The following TUSC3 variants were observed in gnomAD, a reference collection of about 807,000 sequenced individuals.
The protein encoded by TUSC3 is dolichyl-diphosphooligosaccharide--protein glycosyltransferase subunit TUSC3.
TUSC3 carries 45 observed loss-of-function variants against 44.8 expected under a neutral mutation model. The observed-to-expected ratio is 1.00, with a 90% confidence interval of 0.79 to 1.29. The LOEUF is 1.29. TUSC3 is among the 50% of genes most tolerant of loss of function. The probability of loss-of-function intolerance (pLI) is 0.00; values close to 1 mark genes in which losing one functional copy is unlikely to be tolerated. For missense variants in TUSC3, 519 were observed against 437.9 expected (o/e 1.19, Z -1.65); for synonymous variants, 212 against 152.9 (o/e 1.39, Z -2.85).
At chr8:15,843,793 A>G in the TUSC3 span, among the ~76,000 whole-genome samples, 2 of 152,018 alleles carry the variant, frequency 1.3e-5, no homozygotes, top group Non-Finnish European at 2.9e-5. Context: ...GGGGATACAA[A>G]GATGTCTTAT....
intron 6 of TUSC3, among the ~76,000 whole-genome samples, chr8:15,682,420 CCTT>C (rs528876803): frequency 7.9e-5 from 12 of 151,944 alleles, no homozygotes; most frequent in Non-Finnish European, 1.3e-4. Flanking sequence ...TATGTAATTA[CCTT>C]CTTTGTCCTT....
At chr8:15,770,572 G>T (rs1812424144), downstream of TUSC3, among the ~76,000 whole-genome samples, 1 of 152,020 alleles carries the variant, frequency 6.6e-6, no homozygotes, top group South Asian at 2.1e-4. Flanking sequence ...TTATGAAAAG[G>T]AGTCAAATAT....
At chr8:15,756,328 A>G (rs1811927445) in intron 9 of TUSC3, among the ~76,000 whole-genome samples, 3 of 152,174 alleles carry the variant, frequency 2.0e-5, no homozygotes, top group Non-Finnish European at 4.4e-5. Context: ...TTGGTATGAT[A>G]AAACCTACCT....
intron 7 of TUSC3, among the ~76,000 whole-genome samples, chr8:15,732,171 A>C (rs1810750429): frequency 6.6e-6 from 1 of 152,150 alleles, no homozygotes; most frequent in African/African-American, 2.4e-5. Flanking sequence ...ATAAATACGT[A>C]TATATGGGTT....
At chr8:15,446,768 A>ATT (rs200820583) in intron 1 of TUSC3, among the ~76,000 whole-genome samples, 11 of 138,094 alleles carry the variant, frequency 8.0e-5, no homozygotes, top group African/African-American at 8.0e-5. Context: ...AGGGAGAGCT[A>ATT]TTTTTTTTTA....
At chr8:15,753,892 AAG>A (rs1160144268) in intron 9 of TUSC3, among the ~76,000 whole-genome samples, 1 of 152,098 alleles carries the variant, frequency 6.6e-6, no homozygotes, top group Non-Finnish European at 1.5e-5. Flanking sequence ...GCAAGTGTCA[AAG>A]AGGGAACAAA....
intron 1 of TUSC3, among the ~76,000 whole-genome samples, chr8:15,556,517 C>T (rs1483927363): frequency 2.0e-5 from 3 of 150,580 alleles, no homozygotes; most frequent in South Asian, 2.1e-4. Context: ...GGGTATATAC[C>T]CAGTAATGGG....
the TUSC3 span, among the ~76,000 whole-genome samples, chr8:15,802,433 CTTTT>C: frequency 6.6e-6 from 1 of 151,936 alleles, no homozygotes; most frequent in Non-Finnish European, 1.5e-5. Flanking sequence ...AATTTCTTTT[CTTTT>C]TTTGAGACAG....
intron 1 of TUSC3, among the ~76,000 whole-genome samples, chr8:15,618,391 T>TA (rs1314626168): frequency 6.6e-6 from 1 of 152,240 alleles, no homozygotes; most frequent in Non-Finnish European, 1.5e-5. Flanking sequence ...TTTATATCCT[T>TA]ATTCTGTAAG....
the TUSC3 span, among the ~76,000 whole-genome samples, chr8:15,821,679 A>C: frequency 6.6e-6 from 1 of 152,040 alleles, no homozygotes; most frequent in Admixed American, 6.6e-5. Context: ...CAAACACCCT[A>C]AGCCAGGTTC....
intron 3 of TUSC3, among the ~76,000 whole-genome samples, chr8:15,656,531 A>G (rs1212594965): frequency 6.6e-6 from 1 of 152,140 alleles, no homozygotes; most frequent in Non-Finnish European, 1.5e-5. Flanking sequence ...TTTTCATTCC[A>G]CGTCCCATCA....
At chr8:15,455,447 AC>A (rs1800242822) in intron 1 of TUSC3, among the ~76,000 whole-genome samples, 4 of 43,820 alleles carry the variant, frequency 9.1e-5, no homozygotes, top group Non-Finnish European at 2.2e-4. Context: ...ATGTATACAC[AC>A]CTATGTATAC....
At chr8:15,636,503 TCTTGTGAGG>T (rs892189979) in intron 2 of TUSC3, among the ~76,000 whole-genome samples, 26 of 152,282 alleles carry the variant, frequency 1.7e-4, no homozygotes, top group Non-Finnish European at 2.8e-4. Flanking sequence ...TACTTGGTGG[TCTTGTGAGG>T]CAGTTGCCAT....
the TUSC3 span, among the ~76,000 whole-genome samples, chr8:15,786,651 T>C: frequency 1.3e-5 from 2 of 151,970 alleles, no homozygotes; most frequent in Non-Finnish European, 2.9e-5. Context: ...TCATTAAAGA[T>C]AGACTAGGGT....
intron 7 of TUSC3, among the ~76,000 whole-genome samples, chr8:15,732,668 T>C (rs1345110892): frequency 6.6e-6 from 1 of 152,188 alleles, no homozygotes; most frequent in Non-Finnish European, 1.5e-5. Context: ...TTGAACCCGT[T>C]AAATTGTATA....
intron 1 of TUSC3, among the ~76,000 whole-genome samples, chr8:15,581,081 C>T (rs878994172): frequency 4.7e-3 from 562 of 119,446 alleles, no homozygotes; most frequent in Middle Eastern, 0.012. Context: ...TCTTCCATCG[C>T]TGATACCCTC....
chr8:15,722,249 CT>C (rs77957851), intron 6 of TUSC3, among the ~76,000 whole-genome samples: 178 of 141,980 alleles, frequency 1.3e-3, no homozygotes, highest in Middle Eastern at 3.7e-3. Flanking sequence ...TTGTTTCTTT[CT>C]TTTTTTTTTT....
chr8:15,518,455 T>A (rs1801251393), intron 2 of TUSC3, among the ~76,000 whole-genome samples: 1 of 152,172 alleles, frequency 6.6e-6, no homozygotes, highest in African/African-American at 2.4e-5. Flanking sequence ...GTATTTCTTC[T>A]CTGTATTAAA....
At chr8:15,629,382 G>T (rs560419315) in intron 2 of TUSC3, among the ~76,000 whole-genome samples, 2 of 152,244 alleles carry the variant, frequency 1.3e-5, no homozygotes, top group South Asian at 4.1e-4. Context: ...ATAGTGGGCA[G>T]AGTGGACCAA....
Sources: allele counts gnomAD v4.1 joint callset (sites outside exome capture counted in the v4.1 genomes callset), GRCh38; gene constraint gnomAD v4.1.1; transcripts MANE v1.5; gene names NCBI Gene and HGNC (gene_info 2026-07-23, HGNC 2026-07-21).